Variants in MCHR2 observed in about 807,000 individuals in gnomAD.
MCHR2 encodes the protein melanin concentrating hormone receptor 2.
Under a neutral mutation model 24.8 loss-of-function variants are expected in MCHR2, and 15 were observed. That is an observed-to-expected ratio of 0.60 (90% CI 0.40 to 0.93). The LOEUF (loss-of-function observed/expected upper bound fraction) is 0.93, where lower values mean the gene tolerates loss of function less well. MCHR2 is among the 40% of genes least tolerant of loss of function. The pLI is 0.00. For missense variants in MCHR2, 386 were observed against 408.7 expected (o/e 0.94, Z 0.48); for synonymous variants, 151 against 147.6 (o/e 1.02, Z -0.17).
chr6:99,942,315 G>T lies in MCHR2; in HGVS notation c.587+634C>A, dbSNP rs770831570. Among the ~76,000 whole-genome samples the T allele has an allele frequency of 2.0e-4, 30 of 152,188 alleles. No individual in the cohort carries two copies. The South Asian group carries it at 2.3e-3, about 12-fold the overall frequency. On this transcript the variant is annotated intron_variant, in intron 4 of 5. Coordinates refer to ENST00000281806, the MANE Select transcript of MCHR2 (RefSeq NM_001040179.2). ...TATGCCCCCTCCTACCCTCTCTGCT[G>T]GTTTCTGGCAATCCTTGGTGTTCCT...
chr6:99,966,632 T>C (rs1329098371), intron 1 of MCHR2, among the ~76,000 whole-genome samples: 1 of 152,216 alleles, frequency 6.6e-6, no homozygotes, highest in African/African-American at 2.4e-5. Flanking sequence ...TTCTTATCTT[T>C]GTGTTTTTAA....
At chr6:99,982,054 T>A (rs1027598742) in intron 1 of MCHR2, among the ~76,000 whole-genome samples, 2 of 152,144 alleles carry the variant, frequency 1.3e-5, no homozygotes, top group Admixed American at 6.5e-5. Flanking sequence ...CTCTAGATAC[T>A]GATTTCACAT....
rs1336818002 is a variant in MCHR2, at chr6:99,919,228, G to A, written c.*1712C>T. ...TGTTTCAGATGCTACCTGTCTCAGT[G>A]TGTAGTTCTCATGTGGTTTACAGAA... is the stretch of plus-strand genomic sequence containing the variant. On this transcript the variant is annotated 3_prime_UTR_variant, in exon 6 of 6. Transcript: ENST00000281806. 1.3e-5 allele frequency among the ~76,000 whole-genome samples: 2 copies of A among 152,162 alleles called. No homozygotes were observed. Among genetic ancestry groups the A allele is most frequent in the Admixed American group, 6.5e-5 (1 of 15,268 alleles).
intron 1 of MCHR2, among the ~76,000 whole-genome samples, chr6:99,975,301 C>T (rs551663065): frequency 1.1e-3 from 161 of 152,270 alleles, no homozygotes; most frequent in African/African-American, 3.3e-3. Flanking sequence ...GTCTCGCTGC[C>T]GCCTTGCAGT....
At chr6:99,966,211 AC>A (rs1775294358) in intron 1 of MCHR2, among the ~76,000 whole-genome samples, 1 of 152,168 alleles carries the variant, frequency 6.6e-6, no homozygotes, top group South Asian at 2.1e-4. Context: ...GTAAACTGTA[AC>A]CTTTTTATCC....
At chr6:99,973,442 T>G (rs1311075190) in intron 1 of MCHR2, among the ~76,000 whole-genome samples, 1 of 152,238 alleles carries the variant, frequency 6.6e-6, no homozygotes, top group Non-Finnish European at 1.5e-5. Flanking sequence ...CCCTTCATTT[T>G]GAGCCTATGT....
intron 5 of MCHR2, among the ~76,000 whole-genome samples, chr6:99,926,662 C>T (rs375721608): frequency 1.9e-4 from 29 of 152,172 alleles, no homozygotes; most frequent in African/African-American, 6.0e-4. Flanking sequence ...TCATGTCCTT[C>T]GCCCACTTTT....
chr6:99,987,623 TCTG>T (rs1287129765), intron 1 of MCHR2, among the ~76,000 whole-genome samples: 1 of 152,180 alleles, frequency 6.6e-6, no homozygotes, highest in East Asian at 1.9e-4. Context: ...TTATGCTTCT[TCTG>T]AAAGTCTGCA....
chr6:99,937,403 G>A (rs943934391), intron 4 of MCHR2, among the ~76,000 whole-genome samples: 5 of 151,706 alleles, frequency 3.3e-5, no homozygotes, highest in African/African-American at 4.8e-5. Context: ...TTTGATGAGG[G>A]TTTTATCAGA....
In MCHR2 at chr6:99,920,577, C is replaced by A. The variant is rs200836998; in HGVS notation, c.*363G>T. 23 of 209,714 alleles carry A rather than the reference C, an allele frequency of 1.1e-4. No individual in the cohort carries two copies. The highest frequency in any genetic ancestry group is 2.1e-4 in the Non-Finnish European group (22 of 102,810). The allele number at this position is 209,714 out of a possible 1,614,324, so 13.0% of individuals were successfully genotyped here. ...CCTAGGAACCTTGAGGAAACTGTTA[C>A]AGTGAGGCCACAGTGTGGAGGGCAA... On this transcript the variant is annotated 3_prime_UTR_variant, in exon 6 of 6. Coordinates refer to ENST00000281806, the MANE Select transcript of MCHR2 (RefSeq NM_001040179.2).
chr6:99,926,816 G>T (rs982038067), intron 5 of MCHR2, among the ~76,000 whole-genome samples: 1 of 152,032 alleles, frequency 6.6e-6, no homozygotes, highest in Non-Finnish European at 1.5e-5. Flanking sequence ...AGTTTCTTTT[G>T]CTGTGCCGAA....
chr6:99,943,432 C>T (rs1275721122), intron 3 of MCHR2, among the ~76,000 whole-genome samples: 1 of 150,660 alleles, frequency 6.6e-6, no homozygotes, highest in Non-Finnish European at 1.5e-5. Flanking sequence ...TGTGCTGCAC[C>T]CATTAACTCG....
At chr6:99,978,410 G>A (rs1291251265) in intron 1 of MCHR2, among the ~76,000 whole-genome samples, 1 of 143,370 alleles carries the variant, frequency 7.0e-6, no homozygotes, top group Non-Finnish European at 1.5e-5. Flanking sequence ...GGCTATGGGA[G>A]GTCAAGACAG....
chr6:99,942,302 T>C (rs1774785698), intron 4 of MCHR2, among the ~76,000 whole-genome samples: 1 of 152,156 alleles, frequency 6.6e-6, no homozygotes, highest in African/African-American at 2.4e-5. Flanking sequence ...TGCCCCCTCC[T>C]ACCCTCTCTG....
At chr6:99,944,171 C>A (rs2114523506) in intron 3 of MCHR2, among the ~76,000 whole-genome samples, 1 of 152,230 alleles carries the variant, frequency 6.6e-6, no homozygotes, top group African/African-American at 2.4e-5. Context: ...TTATTTTTCT[C>A]TTTTCATTTT....
chr6:99,984,505 C>T (rs1775735598), intron 1 of MCHR2, among the ~76,000 whole-genome samples: 1 of 148,846 alleles, frequency 6.7e-6, no homozygotes, highest in African/African-American at 2.5e-5. Flanking sequence ...TACTTTTAGA[C>T]TTTATTTCTT....
intron 1 of MCHR2, among the ~76,000 whole-genome samples, chr6:99,957,984 A>C (rs891605897): frequency 6.6e-6 from 1 of 152,098 alleles, no homozygotes; most frequent in Non-Finnish European, 1.5e-5. Context: ...AGATGATAAC[A>C]TACTACTTCT....
intron 1 of MCHR2, among the ~76,000 whole-genome samples, chr6:99,977,668 A>G (rs1775578946): frequency 6.6e-6 from 1 of 152,226 alleles, no homozygotes; most frequent in Middle Eastern, 3.4e-3. Context: ...TGGCCCCTAG[A>G]GGTCCTGTGG....
At chr6:99,991,975 T>C (rs1775891213) in intron 1 of MCHR2, among the ~76,000 whole-genome samples, 1 of 152,198 alleles carries the variant, frequency 6.6e-6, no homozygotes, top group Non-Finnish European at 1.5e-5. Flanking sequence ...CCTGTATATA[T>C]TTCATTTCAT....
Sources: allele counts gnomAD v4.1 joint callset (sites outside exome capture counted in the v4.1 genomes callset), GRCh38; gene constraint gnomAD v4.1.1; transcripts MANE v1.5; gene names NCBI Gene and HGNC (gene_info 2026-07-23, HGNC 2026-07-21).